Variants in ASIC2 observed in about 807,000 individuals in gnomAD.
ASIC2 encodes acid sensing ion channel subunit 2.
In ASIC2, 25 loss-of-function variants were observed where a neutral mutation model predicts 57.3. That is an observed-to-expected ratio of 0.44 (90% CI 0.32 to 0.61). The LOEUF is 0.61. ASIC2 is among the 20% of genes least tolerant of loss of function. The pLI, the probability that ASIC2 is intolerant of heterozygous loss-of-function variation, is 0.06. For missense variants in ASIC2, 641 were observed against 738.1 expected, an observed-to-expected ratio of 0.87 and a Z score of 1.52; for synonymous variants, 319 against 307.5, an observed-to-expected ratio of 1.04 and a Z score of -0.39.
At chr17:33,862,679 T>C (rs1723783317) in intron 1 of ASIC2, among the ~76,000 whole-genome samples, 1 of 152,032 alleles carries the variant, frequency 6.6e-6, no homozygotes, top group African/African-American at 2.4e-5. Context: ...GGCTAATGAG[T>C]GAAGTGGTGA....
At chr17:33,542,590 GTTGT>G (rs201202854) in intron 1 of ASIC2, among the ~76,000 whole-genome samples, 23,888 of 71,800 alleles carry the variant, frequency 0.33, 3,864 homozygotes, top group South Asian at 0.43. Context: ...TTTTGATGGG[GTTGT>G]TTGTTTTTTT....
intron 1 of ASIC2, among the ~76,000 whole-genome samples, chr17:33,805,792 G>T (rs1324665315): frequency 6.6e-6 from 1 of 152,006 alleles, no homozygotes; most frequent in African/African-American, 2.4e-5. Context: ...CTCACCCAGG[G>T]CTTCCATGCT....
intron 1 of ASIC2, among the ~76,000 whole-genome samples, chr17:33,175,240 G>A (rs904585909): frequency 5.3e-5 from 8 of 152,022 alleles, no homozygotes; most frequent in Non-Finnish European, 1.0e-4. Flanking sequence ...TTCTTTCTCC[G>A]ACATTGATTC....
At chr17:33,899,469 C>G (rs1049943829) in intron 1 of ASIC2, among the ~76,000 whole-genome samples, 2 of 152,090 alleles carry the variant, frequency 1.3e-5, no homozygotes, top group Non-Finnish European at 2.9e-5. Flanking sequence ...AGAGGGTGGC[C>G]AGGGTCTGAA....
chr17:33,721,863 G>A (rs1342373312), intron 1 of ASIC2, among the ~76,000 whole-genome samples: 1 of 152,236 alleles, frequency 6.6e-6, no homozygotes, highest in Non-Finnish European at 1.5e-5. Context: ...GCATGTGGCA[G>A]GAGCTGCAAG....
chr17:33,905,455 T>C (rs908675661), intron 1 of ASIC2, among the ~76,000 whole-genome samples: 1 of 152,214 alleles, frequency 6.6e-6, no homozygotes, highest in Non-Finnish European at 1.5e-5. Context: ...ATGTAATGTC[T>C]TCCCTTGCAT....
intron 1 of ASIC2, among the ~76,000 whole-genome samples, chr17:33,570,078 G>A (rs12453488): frequency 0.26 from 39,961 of 151,690 alleles, 6,087 homozygotes; most frequent in African/African-American, 0.41. Flanking sequence ...TCACTTCCTC[G>A]TGTGACTGTC....
At chr17:34,037,483 G>A (rs1802614569) in intron 1 of ASIC2, 2 of 932,628 alleles carry the variant, frequency 2.1e-6, no homozygotes, top group Non-Finnish European at 3.1e-6. Context: ...CTCTATGGAT[G>A]GGAAAAAAGC....
intron 1 of ASIC2, among the ~76,000 whole-genome samples, chr17:34,131,173 T>C (rs1911945195): frequency 6.6e-6 from 1 of 151,918 alleles, no homozygotes; most frequent in Non-Finnish European, 1.5e-5. Context: ...CCATGAAGAA[T>C]TGGAAACTGA....
chr17:33,068,559 C>CAAAACAAAACAAAACAAAACAA (rs2092053939), intron 3 of ASIC2, among the ~76,000 whole-genome samples: 1 of 151,936 alleles, frequency 6.6e-6, no homozygotes, highest in South Asian at 2.1e-4. Context: ...CAAAACAAAA[C>CAAAACAAAACAAAACAAAACAA]AAAACAAACC....
intron 1 of ASIC2, among the ~76,000 whole-genome samples, chr17:34,151,400 A>G (rs1904521124): frequency 6.6e-6 from 1 of 152,174 alleles, no homozygotes; most frequent in African/African-American, 2.4e-5. Flanking sequence ...TAGGTGCTCT[A>G]TTTGATTGAC....
chr17:33,965,759 T>C (rs1009924146), intron 1 of ASIC2, among the ~76,000 whole-genome samples: 1 of 152,214 alleles, frequency 6.6e-6, no homozygotes, highest in African/African-American at 2.4e-5. Flanking sequence ...ATGCACACTC[T>C]TGATGAACCT....
chr17:33,684,535 G>T (rs1176398986), intron 1 of ASIC2, among the ~76,000 whole-genome samples: 7 of 152,222 alleles, frequency 4.6e-5, no homozygotes, highest in African/African-American at 1.2e-4. Flanking sequence ...CTTCCCAAGT[G>T]CAGAAGAAAC....
intron 1 of ASIC2, among the ~76,000 whole-genome samples, chr17:33,212,763 TC>T (rs1407642134): frequency 5.9e-5 from 9 of 152,156 alleles, no homozygotes; most frequent in African/African-American, 2.2e-4. Flanking sequence ...CTTTCCCTTA[TC>T]CTACTCCTCC....
At chr17:33,105,412 G>T (rs1031613218) in intron 2 of ASIC2, among the ~76,000 whole-genome samples, 1 of 152,150 alleles carries the variant, frequency 6.6e-6, no homozygotes, top group Non-Finnish European at 1.5e-5. Flanking sequence ...TGATTGTGAG[G>T]CCTCTCCAGC....
chr17:33,667,334 G>A (rs758200622), intron 1 of ASIC2, among the ~76,000 whole-genome samples: 5 of 152,192 alleles, frequency 3.3e-5, no homozygotes, highest in Admixed American at 2.6e-4. Context: ...GGAAGACAGC[G>A]TGCACATGTG....
At chr17:33,029,077 A>G (rs988400466) in intron 3 of ASIC2, among the ~76,000 whole-genome samples, 2 of 152,216 alleles carry the variant, frequency 1.3e-5, no homozygotes, top group African/African-American at 2.4e-5. Flanking sequence ...TGAGGGAACT[A>G]ATGGTTGTTG....
intron 1 of ASIC2, among the ~76,000 whole-genome samples, chr17:33,552,101 G>A (rs1386731612): frequency 3.9e-5 from 6 of 152,148 alleles, no homozygotes; most frequent in Non-Finnish European, 8.8e-5. Context: ...CTGCTGCCTC[G>A]CTTCAAGTGC....
intron 1 of ASIC2, among the ~76,000 whole-genome samples, chr17:33,530,469 C>T (rs750757233): frequency 3.9e-5 from 6 of 152,222 alleles, no homozygotes; most frequent in South Asian, 2.1e-4. Context: ...CAAGGCCTTC[C>T]TAATTCATGG....
Sources: gnomAD v4.1 joint callset for allele counts (sites outside exome capture counted in the v4.1 genomes callset) on GRCh38, gnomAD v4.1.1 for gene constraint, MANE v1.5 for transcripts, NCBI Gene and HGNC (gene_info 2026-07-23, HGNC 2026-07-21) for gene names.